The following B3GALT1 variants were observed in gnomAD, a reference collection of about 807,000 sequenced individuals.
B3GALT1 encodes UDP-Gal:betaGlcNAc beta 1,3-galactosyltransferase, polypeptide 1.
Under a neutral mutation model 23.2 loss-of-function variants are expected in B3GALT1, and 10 were observed. The ratio of observed to expected loss-of-function variants is 0.43; its 90% CI spans 0.27 to 0.73. B3GALT1 has a LOEUF of 0.73. Among genes scored for constraint, B3GALT1 ranks in the 30% least tolerant of loss-of-function variants. B3GALT1 has a pLI of 0.21. For missense variants in B3GALT1, 299 were observed against 405.4 expected (o/e 0.74, Z 2.25); for synonymous variants, 156 against 141.5 (o/e 1.10, Z -0.73).
At chr2:167,657,910 C>G (rs180966840) in intron 3 of B3GALT1, among the ~76,000 whole-genome samples, 8 of 152,238 alleles carry the variant, frequency 5.3e-5, no homozygotes, top group African/African-American at 1.7e-4. Context: ...TTTTCATACT[C>G]TTTAAATGAA....
intron 1 of B3GALT1, among the ~76,000 whole-genome samples, chr2:167,356,705 A>T (rs1018251269): frequency 6.6e-6 from 1 of 152,050 alleles, no homozygotes; most frequent in Non-Finnish European, 1.5e-5. Flanking sequence ...TTCAGGGTAA[A>T]TGCTAAAAGG....
intron 1 of B3GALT1, among the ~76,000 whole-genome samples, chr2:167,470,548 G>C (rs1302737124): frequency 6.6e-6 from 1 of 151,990 alleles, no homozygotes; most frequent in Non-Finnish European, 1.5e-5. Flanking sequence ...AGTCCTGTAT[G>C]TTTTTTTCAA....
At chr2:167,835,335 T>G (rs532492567) in intron 4 of B3GALT1, among the ~76,000 whole-genome samples, 9 of 152,226 alleles carry the variant, frequency 5.9e-5, no homozygotes, top group Non-Finnish European at 1.0e-4. Flanking sequence ...ACCCGAATAC[T>G]GTGCTTTTCC....
In B3GALT1 at chr2:167,318,196, G is replaced by A. The variant is rs557313463; in HGVS notation, c.-511+24862G>A. ...ACAAAAATTAGCCAGGTGTGGTGGC[G>A]GGCGCCTGTAATCCCAGCTACTCGG... On this transcript the variant is annotated intron_variant, in intron 1 of 4. Transcript: ENST00000392690. 4.5e-4 allele frequency among the ~76,000 whole-genome samples: 69 copies of A among 151,792 alleles called. 1 individual carries two copies. Among genetic ancestry groups the A allele is most frequent in the South Asian group, 8.3e-4 (4 of 4,810 alleles).
At chr2:167,790,527 G>A (rs928214844) in intron 3 of B3GALT1, among the ~76,000 whole-genome samples, 4 of 152,126 alleles carry the variant, frequency 2.6e-5, no homozygotes, top group South Asian at 2.1e-4. Context: ...ACAACCACAC[G>A]CTTTCCATGC....
Position 167,869,362 on chromosome 2 carries a change from AG to A in B3GALT1, c.327del (p.Ile110SerfsTer3). 1 of 1,614,150 alleles carries A rather than the reference AG, an allele frequency of 6.2e-7. No individual in the cohort carries two copies. Among genetic ancestry groups the A allele is most frequent in the Non-Finnish European group, 8.5e-7 (1 of 1,180,024 alleles). On this transcript the variant is annotated frameshift_variant, in exon 5 of 5. Transcript: ENST00000392690. LOFTEE classifies it high-confidence loss of function. This position sits in a 1 kb window ranked among gnomAD's most constrained non-coding sequence, Gnocchi z 6.4. ...ACGTGGGGGGATGAGAACAACTTTA[AG>A]GGGATCAAGATAGCCACCCTGTTCC... ...RETWGDENNF[K>X]GIKIATLFLL...
At chr2:167,661,031 T>C (rs1472434132) in intron 3 of B3GALT1, among the ~76,000 whole-genome samples, 1 of 152,090 alleles carries the variant, frequency 6.6e-6, no homozygotes, top group Non-Finnish European at 1.5e-5. Flanking sequence ...TCAACTGGAA[T>C]GAAAAGAAAG....
chr2:167,566,180 G>A (rs1162269503), intron 2 of B3GALT1, among the ~76,000 whole-genome samples: 1 of 152,166 alleles, frequency 6.6e-6, no homozygotes, highest in Non-Finnish European at 1.5e-5. Context: ...CATAAAAAAT[G>A]ATGAGTTCAT....
At chr2:167,339,217 A>G (rs1011281640) in intron 1 of B3GALT1, among the ~76,000 whole-genome samples, 3 of 152,198 alleles carry the variant, frequency 2.0e-5, no homozygotes, top group Admixed American at 6.5e-5. Flanking sequence ...ATGCTCAGTG[A>G]AAGTATATAA....
At chr2:167,508,834 T>TA (rs1201568505) in intron 2 of B3GALT1, among the ~76,000 whole-genome samples, 1 of 152,170 alleles carries the variant, frequency 6.6e-6, no homozygotes, top group Non-Finnish European at 1.5e-5. Flanking sequence ...CAACTTTCTG[T>TA]ACACCAAGTA....
At chr2:167,615,337 T>G (rs1299267435) in intron 2 of B3GALT1, among the ~76,000 whole-genome samples, 1 of 151,870 alleles carries the variant, frequency 6.6e-6, no homozygotes, top group African/African-American at 2.4e-5. Flanking sequence ...AAAATCGGAT[T>G]CATAGAAACA....
chr2:167,716,082 G>A, intron 3 of B3GALT1: 2 of 1,557,464 alleles, frequency 1.3e-6, no homozygotes, highest in South Asian at 2.2e-5. Flanking sequence ...AAGCTGCTCT[G>A]GCGGTCACCG....
chr2:167,312,473 A>G (rs1696646716), intron 1 of B3GALT1, among the ~76,000 whole-genome samples: 1 of 152,040 alleles, frequency 6.6e-6, no homozygotes, highest in South Asian at 2.1e-4. Context: ...ATAAAAATAG[A>G]CAAGAAGTAA....
intron 1 of B3GALT1, among the ~76,000 whole-genome samples, chr2:167,307,774 C>G (rs185657744): frequency 8.6e-5 from 13 of 151,960 alleles, no homozygotes; most frequent in Non-Finnish European, 7.4e-5. Context: ...TTTTCCTGTT[C>G]AAATTCAGAG....
intron 1 of B3GALT1, among the ~76,000 whole-genome samples, chr2:167,415,913 C>T (rs1231462175): frequency 6.6e-6 from 1 of 152,056 alleles, no homozygotes; most frequent in Non-Finnish European, 1.5e-5. Context: ...ACCATTCAGG[C>T]TGCTGCATGA....
chr2:167,536,983 G>T (rs1336124674), intron 2 of B3GALT1, among the ~76,000 whole-genome samples: 1 of 152,112 alleles, frequency 6.6e-6, no homozygotes, highest in Non-Finnish European at 1.5e-5. Flanking sequence ...CCTACTAAAA[G>T]TCGCAGATCC....
intron 3 of B3GALT1, among the ~76,000 whole-genome samples, chr2:167,740,730 T>C (rs965265335): frequency 6.6e-6 from 1 of 152,174 alleles, no homozygotes; most frequent in Non-Finnish European, 1.5e-5. Flanking sequence ...AAATAAGTAA[T>C]AAAAAATTTC....
chr2:167,587,817 A>G (rs1204719459), intron 2 of B3GALT1, among the ~76,000 whole-genome samples: 5 of 152,248 alleles, frequency 3.3e-5, no homozygotes. Context: ...TCAGTCTAGT[A>G]ATTCAATGTA....
intron 1 of B3GALT1, among the ~76,000 whole-genome samples, chr2:167,371,271 G>A (rs895171746): frequency 2.6e-5 from 4 of 151,886 alleles, no homozygotes; most frequent in Admixed American, 1.3e-4. Context: ...TGTTGACATA[G>A]TATGTCATAA....
Sources: allele counts gnomAD v4.1 joint callset (sites outside exome capture counted in the v4.1 genomes callset), GRCh38; gene constraint gnomAD v4.1.1; non-coding constraint Gnocchi (gnomAD v3.1); transcripts MANE v1.5; gene names NCBI Gene and HGNC (gene_info 2026-07-23, HGNC 2026-07-21).